The following MESD variants were observed in gnomAD, a reference collection of about 807,000 sequenced individuals.
The protein encoded by MESD is mesoderm development LRP chaperone, also known as LRP chaperone MESD.
A neutral mutation model predicts 12.9 loss-of-function variants in MESD; 7 were observed. The ratio of observed to expected loss-of-function variants is 0.54; its 90% CI spans 0.31 to 1.02. MESD has a LOEUF of 1.02. Among genes scored for constraint, MESD ranks in the 50% least tolerant of loss-of-function variants. The pLI, the probability that MESD is intolerant of heterozygous loss-of-function variation, is 0.05. For synonymous variants in MESD, 126 were observed against 115.6 expected, an observed-to-expected ratio of 1.09 and a Z score of -0.58; for missense variants, 342 against 296.7, an observed-to-expected ratio of 1.15 and a Z score of -1.12.
rs984431029 is a variant in MESD, at chr15:80,988,086, A to G, written c.213+1493T>C. On this transcript the variant is annotated intron_variant, in intron 1 of 2. Transcript: ENST00000261758. The stretch of plus-strand genomic sequence containing the variant: ...ATCCACGTCTTCCTCACTATCCTTC[A>G]TTTGCACTTCTGTCACCAACATGTG... 5.3e-5 allele frequency among the ~76,000 whole-genome samples: 8 copies of G among 152,176 alleles called. No individual in the cohort carries two copies. In the South Asian group the frequency reaches 6.2e-4, roughly 12 times the overall value.
intron 3 of MESD, among the ~76,000 whole-genome samples, chr15:80,965,493 C>T (rs1318882981): frequency 6.6e-6 from 1 of 152,168 alleles, no homozygotes; most frequent in Non-Finnish European, 1.5e-5. Context: ...GCTATAAAGA[C>T]ACATGCACAC....
chr15:80,956,737 G>A (rs1298818913), intron 3 of MESD, among the ~76,000 whole-genome samples: 2 of 152,170 alleles, frequency 1.3e-5, no homozygotes, highest in African/African-American at 4.8e-5. Context: ...TACAAACCTG[G>A]GATATATGGT....
chr15:80,970,682 T>C (rs1203925871), intron 3 of MESD: 1 of 152,204 alleles, frequency 6.6e-6, no homozygotes, highest in Non-Finnish European at 1.5e-5. Flanking sequence ...AATCAGTGTC[T>C]GATGGTAGTT....
chr15:80,971,009 AATTG>A (rs1469707775), downstream of MESD, among the ~76,000 whole-genome samples: 4 of 152,296 alleles, frequency 2.6e-5, no homozygotes, highest in East Asian at 3.9e-4. Flanking sequence ...GTTCTCAATA[AATTG>A]ATTAACAGGA....
intron 1 of MESD, among the ~76,000 whole-genome samples, chr15:80,982,468 A>G (rs1902607554): frequency 1.3e-5 from 2 of 152,328 alleles, no homozygotes; most frequent in Middle Eastern, 6.8e-3. Context: ...AGGCTGTAAA[A>G]ATGGCCACAT....
At chr15:80,987,311 G>A (rs1443690263) in intron 1 of MESD, among the ~76,000 whole-genome samples, 2 of 152,086 alleles carry the variant, frequency 1.3e-5, no homozygotes, top group African/African-American at 4.8e-5. Flanking sequence ...AGATGGATAC[G>A]CTCTCCCACA....
At chr15:80,989,165 C>A (rs1263490377) in intron 1 of MESD, among the ~76,000 whole-genome samples, 4 of 152,224 alleles carry the variant, frequency 2.6e-5, no homozygotes, top group African/African-American at 9.6e-5. Flanking sequence ...CACTCTCCCA[C>A]CCACTCACCG....
At chr15:80,975,551 G>C (rs1006678701), downstream of MESD, among the ~76,000 whole-genome samples, 1 of 151,880 alleles carries the variant, frequency 6.6e-6, no homozygotes, top group African/African-American at 2.4e-5. Context: ...CAATAATCAG[G>C]GACACAGGAA....
At chr15:80,981,101 G>C (rs867252489) in intron 2 of MESD, among the ~76,000 whole-genome samples, 2 of 151,580 alleles carry the variant, frequency 1.3e-5, no homozygotes, top group East Asian at 2.0e-4. Flanking sequence ...TGGGATTACA[G>C]AAGTGAGTCA....
In MESD at chr15:80,989,801, G is replaced by A. The variant is rs777081550; in HGVS notation, c.-10C>T. ...ACCTGGAAGCCGCCATTTTCGCTGC[G>A]CCGCGCAGCGCCCTAGACGCGCTTA... On this transcript the variant is annotated 5_prime_UTR_variant, in exon 1 of 3. Coordinates refer to ENST00000261758, the MANE Select transcript of MESD (RefSeq NM_015154.3). 13 of 1,558,416 alleles carry A rather than the reference G, an allele frequency of 8.3e-6. No homozygotes were observed. The South Asian group carries it at 1.3e-4, about 15-fold the overall frequency.
At chr15:80,974,006 G>A (rs1366726574), downstream of MESD, among the ~76,000 whole-genome samples, 5 of 152,052 alleles carry the variant, frequency 3.3e-5, no homozygotes, top group South Asian at 2.1e-4. Context: ...CTGCTATCAC[G>A]GGGGAACTCT....
downstream of MESD, among the ~76,000 whole-genome samples, chr15:80,970,945 T>C (rs773754596): frequency 6.6e-6 from 1 of 151,746 alleles, no homozygotes; most frequent in Non-Finnish European, 1.5e-5. Flanking sequence ...GGGGGCGGGG[T>C]GGAGGATGGA....
Position 80,955,616 on chromosome 15 carries a change from C to CGTGTGTGTGTGTGT in MESD, c.*289-3334_*289-3321dup, listed in dbSNP as rs536028552. Among the ~76,000 whole-genome samples, 200 of 144,962 alleles carry CGTGTGTGTGTGTGT rather than the reference C, an allele frequency of 1.4e-3. No individual in the cohort carries two copies. The Middle Eastern group carries it at 0.021, about 16-fold the overall frequency. On this transcript the variant is annotated intron_variant, in intron 3 of 4. Transcript: ENST00000561312. ...AAAGTTTGAGAAGTGTGTGTTTGTG[C>CGTGTGTGTGTGTGT]GTGTGTGTGTGTGTGTGTGTGTGAG... is the stretch of plus-strand genomic sequence containing the variant.
intron 3 of MESD, among the ~76,000 whole-genome samples, chr15:80,960,222 G>A (rs925866160): frequency 6.6e-6 from 1 of 152,104 alleles, no homozygotes; most frequent in African/African-American, 2.4e-5. Context: ...AAAATTAGTT[G>A]GGTGTGGTGG....
downstream of MESD, among the ~76,000 whole-genome samples, chr15:80,974,239 C>T (rs960251832): frequency 3.9e-5 from 6 of 152,018 alleles, no homozygotes; most frequent in Non-Finnish European, 7.3e-5. Flanking sequence ...CAGCTCCTGG[C>T]GAAGCAGACA....
At position 80,978,941 on chromosome 15, in the gene MESD, T is replaced by A; in HGVS notation, c.*278A>T. On this transcript the variant is annotated 3_prime_UTR_variant, in exon 3 of 3. Transcript: ENST00000261758. ...GAGTTGATGACTCACCAAGTGTAAA[T>A]GGGAAAAAGCAACACAGTCACATTT... 2.1e-6 allele frequency: 1 copy of A among 471,854 alleles called. No homozygotes were observed. The highest frequency in any genetic ancestry group is 3.8e-6 in the Non-Finnish European group (1 of 265,878). The allele number at this position is 471,854 out of a possible 1,614,324, so 29.2% of individuals were successfully genotyped here. A position where few individuals can be genotyped will look rare whatever the true frequency, so the allele number is the denominator to read the frequency against.
chr15:80,982,199 A>G lies in MESD; in HGVS notation c.214-17T>C. 1 of 1,604,226 alleles carries G rather than the reference A, an allele frequency of 6.2e-7. No homozygotes were observed. The highest frequency in any genetic ancestry group is 8.5e-7 in the Non-Finnish European group (1 of 1,171,816). Reference sequence around the variant, plus strand: ...ATCATCTTTCTATCAGATTAGGGGAAAAGCATCAAACCTATCATCAGAATC... The same window carrying G: ...ATCATCTTTCTATCAGATTAGGGGAGAAGCATCAAACCTATCATCAGAATC... On this transcript the variant is annotated splice_polypyrimidine_tract_variant and intron_variant, in intron 1 of 2. Coordinates refer to ENST00000261758, the MANE Select transcript of MESD (RefSeq NM_015154.3).
intron 3 of MESD, chr15:80,953,166 G>GAAGGTGGGTTGGGC: frequency 4.5e-6 from 2 of 443,424 alleles, no homozygotes; most frequent in South Asian, 3.2e-5. Context: ...AGGCAAAGTG[G>GAAGGTGGGTTGGGC]AAGGTGGGTT....
intron 3 of MESD, among the ~76,000 whole-genome samples, chr15:80,969,593 G>A (rs763274138): frequency 2.6e-5 from 4 of 152,088 alleles, no homozygotes; most frequent in Non-Finnish European, 4.4e-5. Flanking sequence ...GGTGGCTCAC[G>A]CCTGTAACCC....
Sources: allele counts gnomAD v4.1 joint callset (sites outside exome capture counted in the v4.1 genomes callset), GRCh38; gene constraint gnomAD v4.1.1; transcripts MANE v1.5; gene names NCBI Gene and HGNC (gene_info 2026-07-23, HGNC 2026-07-21).